Variants in PCED1B observed in about 807,000 individuals in gnomAD.
The protein encoded by PCED1B is PC-esterase domain containing 1B.
For synonymous variants in PCED1B, 251 were observed against 246.1 expected (o/e 1.02, Z -0.19); for missense variants, 573 against 573.9 (o/e 1.00, Z 0.02).
intron 2 of PCED1B, among the ~76,000 whole-genome samples, chr12:47,194,856 C>T (rs1430456065): frequency 6.6e-6 from 1 of 152,174 alleles, no homozygotes; most frequent in African/African-American, 2.4e-5. Context: ...TGTTCAGAAA[C>T]AGCACTGGCC....
intron 3 of PCED1B, among the ~76,000 whole-genome samples, chr12:47,217,403 G>A (rs1230937154): frequency 7.4e-6 from 1 of 135,548 alleles, no homozygotes; most frequent in South Asian, 2.4e-4. Flanking sequence ...GAAAGAAACA[G>A]AGAGAGAGAG....
intron 2 of PCED1B, among the ~76,000 whole-genome samples, chr12:47,107,886 G>A (rs543495496): frequency 5.2e-4 from 79 of 152,276 alleles, no homozygotes; most frequent in African/African-American, 1.9e-3. Flanking sequence ...GAAAAATGAG[G>A]ATCTTTATTG....
intron 2 of PCED1B, among the ~76,000 whole-genome samples, chr12:47,156,563 AG>A (rs1169131280): frequency 6.6e-6 from 1 of 151,930 alleles, no homozygotes; most frequent in African/African-American, 2.4e-5. Flanking sequence ...CCTTGGGCTC[AG>A]GGCACACAGG....
chr12:47,199,620 A>C (rs1942706209), intron 2 of PCED1B, among the ~76,000 whole-genome samples: 1 of 152,242 alleles, frequency 6.6e-6, no homozygotes, highest in South Asian at 2.1e-4. Flanking sequence ...ATAGAGAAAG[A>C]CTAATCTTTT....
At position 47,232,809 on chromosome 12, in the gene PCED1B, T is replaced by C. The variant is rs181037314; in HGVS notation, c.-57-2198T>C. ...TTTAGCATCAGTACTTGGGGGCGTATAGATTAAACTAACAAAAGACAGATT... is the reference window on the plus strand; with the variant it reads ...TTTAGCATCAGTACTTGGGGGCGTACAGATTAAACTAACAAAAGACAGATT... On this transcript the variant is annotated intron_variant, in intron 3 of 3. Coordinates refer to ENST00000546455, the MANE Select transcript of PCED1B (RefSeq NM_138371.3). 2.0e-5 allele frequency among the ~76,000 whole-genome samples: 3 copies of C among 152,304 alleles called. No homozygotes were observed. The East Asian group carries it at 5.8e-4, about 29-fold the overall frequency.
intron 1 of PCED1B, among the ~76,000 whole-genome samples, chr12:47,082,817 C>G (rs946544996): frequency 2.0e-5 from 3 of 151,948 alleles, no homozygotes; most frequent in Non-Finnish European, 2.9e-5. Flanking sequence ...CAGGGTGGTT[C>G]CAACCTGGAA....
intron 2 of PCED1B, among the ~76,000 whole-genome samples, chr12:47,184,757 A>G (rs1238733161): frequency 6.6e-6 from 1 of 152,164 alleles, no homozygotes; most frequent in East Asian, 1.9e-4. Context: ...ACATAATTTC[A>G]GAACAAAGAT....
At chr12:47,135,457 A>G in intron 2 of PCED1B, 2 of 364,612 alleles carry the variant, frequency 5.5e-6, no homozygotes, top group Non-Finnish European at 1.1e-5. Flanking sequence ...TTGTGGGCAG[A>G]GCTCCTGGCC....
chr12:47,229,136 G>A (rs1225295362), intron 3 of PCED1B, among the ~76,000 whole-genome samples: 3 of 151,874 alleles, frequency 2.0e-5, no homozygotes, highest in Admixed American at 6.6e-5. Flanking sequence ...GTTTCAGGCC[G>A]GGCACGGTGG....
intron 1 of PCED1B, among the ~76,000 whole-genome samples, chr12:47,087,181 G>A (rs1332038048): frequency 6.6e-6 from 1 of 152,178 alleles, no homozygotes; most frequent in Non-Finnish European, 1.5e-5. Context: ...TATAGGAGAA[G>A]ATAGAAGGAC....
At chr12:47,081,882 A>G (rs552979400) in intron 1 of PCED1B, among the ~76,000 whole-genome samples, 5 of 152,350 alleles carry the variant, frequency 3.3e-5, no homozygotes, top group African/African-American at 7.2e-5. Context: ...GGAAGGTTAT[A>G]TTATTATAAC....
At chr12:47,228,426 A>C (rs1242578522) in intron 3 of PCED1B, among the ~76,000 whole-genome samples, 1 of 152,130 alleles carries the variant, frequency 6.6e-6, no homozygotes, top group Non-Finnish European at 1.5e-5. Flanking sequence ...CCCTCCCTTC[A>C]TGACCATCTC....
intron 1 of PCED1B, among the ~76,000 whole-genome samples, chr12:47,098,233 C>T (rs1938559561): frequency 6.6e-6 from 1 of 152,216 alleles, no homozygotes; most frequent in Non-Finnish European, 1.5e-5. Flanking sequence ...CAATCAGACT[C>T]TCTCTTACGA....
intron 2 of PCED1B, among the ~76,000 whole-genome samples, chr12:47,151,896 C>G (rs10881054): frequency 0.38 from 57,291 of 151,998 alleles, 11,316 homozygotes; most frequent in East Asian, 0.62. Context: ...ACAGACACAC[C>G]GGAAGTAAGG....
chr12:47,139,771 T>C lies in PCED1B; in HGVS notation c.-526+35576T>C, dbSNP rs545612437. ...GTACATGGGTTTGATGTGAGAGATA[T>C]GTGTGCATATGCTATGGTGTGTGTG... On this transcript the variant is annotated intron_variant, in intron 2 of 3. Transcript: ENST00000546455. Among the ~76,000 whole-genome samples, 339 of 152,220 alleles carry C rather than the reference T, an allele frequency of 2.2e-3. 3 individuals carry two copies. The highest frequency in any genetic ancestry group is 0.014 in the Middle Eastern group (4 of 294).
chr12:47,215,825 C>T (rs1019958149), intron 2 of PCED1B, among the ~76,000 whole-genome samples: 4 of 135,080 alleles, frequency 3.0e-5, no homozygotes, highest in African/African-American at 8.9e-5. Context: ...GAGGCCAAGG[C>T]GGGTGGATCA....
chr12:47,203,352 C>T (rs993706551), intron 2 of PCED1B, among the ~76,000 whole-genome samples: 3 of 152,042 alleles, frequency 2.0e-5, no homozygotes, highest in Non-Finnish European at 4.4e-5. Flanking sequence ...TGTGCAGTTT[C>T]GTTACATAGG....
intron 1 of PCED1B, among the ~76,000 whole-genome samples, chr12:47,096,347 T>TTGTTCA (rs1022928413): frequency 6.6e-6 from 1 of 152,034 alleles, no homozygotes; most frequent in Non-Finnish European, 1.5e-5. Context: ...ATTTCAATAA[T>TTGTTCA]TGTTCATCTT....
chr12:47,208,263 C>T (rs1238759164), intron 2 of PCED1B, among the ~76,000 whole-genome samples: 1 of 152,068 alleles, frequency 6.6e-6, no homozygotes, highest in Admixed American at 6.6e-5. Flanking sequence ...TGTTTTCAGA[C>T]AGGGTCTCAT....
Sources: gnomAD v4.1 joint callset for allele counts (sites outside exome capture counted in the v4.1 genomes callset) on GRCh38, gnomAD v4.1.1 for gene constraint, MANE v1.5 for transcripts, NCBI Gene and HGNC (gene_info 2026-07-23, HGNC 2026-07-21) for gene names.